ACTR10: variants seen among roughly 807,000 people sequenced by gnomAD.
ACTR10 encodes actin-related protein 10.
Under a neutral mutation model 56.2 loss-of-function variants are expected in ACTR10, and 43 were observed. The observed-to-expected ratio is 0.77, with a 90% CI of 0.60 to 0.99. The LOEUF is 0.99. ACTR10 is among the 50% of genes least tolerant of loss of function. The pLI is 0.00. For missense variants in ACTR10, 466 were observed against 507.8 expected (o/e 0.92, Z 0.79); for synonymous variants, 170 against 176.3 (o/e 0.96, Z 0.28).
intron 4 of ACTR10, among the ~76,000 whole-genome samples, chr14:58,210,134 A>T (rs2066154836): frequency 6.6e-6 from 1 of 151,840 alleles, no homozygotes; most frequent in Non-Finnish European, 1.5e-5. Context: ...TATCTTCTAT[A>T]TGACTAGAAT....
chr14:58,203,278 G>A (rs1888770825), intron 2 of ACTR10, among the ~76,000 whole-genome samples: 1 of 149,744 alleles, frequency 6.7e-6, no homozygotes, highest in African/African-American at 2.5e-5. Context: ...CTCCAGCCTG[G>A]GGGGCAAGAG....
chr14:58,228,681 C>CTTTTTT lies in ACTR10; in HGVS notation c.789-1685_789-1680dup, dbSNP rs35498207. Among the ~76,000 whole-genome samples the CTTTTTT allele has an allele frequency of 5.6e-4, 23 of 40,788 alleles. 9 individuals are homozygous for CTTTTTT. The highest frequency in any genetic ancestry group is 9.4e-4 in the Non-Finnish European group (19 of 20,282). 26.8% of individuals were successfully genotyped at this position (40,788 alleles called of 152,430 possible). ...TAACTACATCTAGTTGCAAGACAGA[C>CTTTTTT]TTTTTTTTTTTTTTTTTTTTTTTTT... On this transcript the variant is annotated intron_variant, in intron 10 of 12. Coordinates refer to ENST00000254286, the MANE Select transcript of ACTR10 (RefSeq NM_018477.3).
intron 8 of ACTR10, among the ~76,000 whole-genome samples, chr14:58,222,774 A>G (rs1159652820): frequency 6.6e-6 from 1 of 151,856 alleles, no homozygotes; most frequent in Non-Finnish European, 1.5e-5. Context: ...GAAAAAAAAA[A>G]AAAAAAAAAA....
intron 2 of ACTR10, among the ~76,000 whole-genome samples, chr14:58,205,224 AAAAAAC>A (rs1349786438): frequency 5.3e-5 from 8 of 152,184 alleles, no homozygotes; most frequent in South Asian, 2.1e-4. Flanking sequence ...TCCATCTCAA[AAAAAAC>A]AAAAACAAAA....
At chr14:58,202,688 G>GT (rs1427929040) in intron 1 of ACTR10, among the ~76,000 whole-genome samples, 167 bp from the exon 2 acceptor site, 18 of 151,904 alleles carry the variant, frequency 1.2e-4, no homozygotes, top group Admixed American at 1.2e-3. Context: ...TTAATAAATA[G>GT]TATTATTAGT....
chr14:58,225,585 CTTAT>C (rs1889377051), intron 10 of ACTR10, among the ~76,000 whole-genome samples: 1 of 151,994 alleles, frequency 6.6e-6, no homozygotes, highest in African/African-American at 2.4e-5. Context: ...ATTTTAATCT[CTTAT>C]TTAAGTTATA....
In ACTR10 at chr14:58,223,674, A is replaced by G. The variant is rs777571418; in HGVS notation, c.687A>G (p.Ala229=). 2.5e-6 allele frequency: 4 copies of G among 1,613,610 alleles called. No homozygotes were observed. In the South Asian group the frequency reaches 4.4e-5, roughly 18 times the overall value. The change falls in exon 9 of 13, where the codon GCA becomes GCG. Residue 229 remains alanine (A), a synonymous_variant. Coordinates refer to ENST00000254286, the MANE Select transcript of ACTR10 (RefSeq NM_018477.3). ...DLKRGLKIQA[A]KFNIDGNNER... ...AGCGAGGACTAAAAATCCAAGCAGCAAAATTTAATATTGATGGGAATAATG... is the reference window on the plus strand; with the variant it reads ...AGCGAGGACTAAAAATCCAAGCAGCGAAATTTAATATTGATGGGAATAATG...
chr14:58,230,415 A>G lies in ACTR10; in HGVS notation c.805A>G (p.Ile269Val), dbSNP rs185274446. The G allele has an allele frequency of 6.3e-7, 1 of 1,584,242 alleles. No individual in the cohort carries two copies. The highest frequency in any genetic ancestry group is 2.3e-5 in the East Asian group (1 of 43,378). Residue 269 changes from isoleucine to valine, a missense_variant, in exon 11 of 13, where the codon ATT (isoleucine) becomes GTT (valine). Transcript: ENST00000254286. ...TCCCATTAGAGATTCAGTTGTGGAA[A>G]TTCTTTTTGAACAAGATAATGAAGA... ...LGSIRDSVVE[I>V]LFEQDNEEQS...
In ACTR10 at chr14:58,209,823, T is replaced by C. The variant is rs369577029; in HGVS notation, c.342+716T>C. Among the ~76,000 whole-genome samples the C allele has an allele frequency of 2.6e-5, 4 of 152,332 alleles. No homozygotes were observed. The East Asian group carries it at 5.8e-4, about 22-fold the overall frequency. On this transcript the variant is annotated intron_variant, in intron 4 of 12. Coordinates refer to ENST00000254286, the MANE Select transcript of ACTR10 (RefSeq NM_018477.3). ...AGGGAAAATGTAAGATTATATGTAT[T>C]AAGTGAATAAGAAATTAAGCACATA...
At chr14:58,219,753 C>T (rs1889220264) in intron 8 of ACTR10, 24 bp downstream of exon 8, 1 of 1,483,514 alleles carries the variant, frequency 6.7e-7, no homozygotes, top group Non-Finnish European at 9.0e-7. Flanking sequence ...TCATTTTTGT[C>T]CCTTTCATCC....
intron 12 of ACTR10, among the ~76,000 whole-genome samples, chr14:58,233,752 A>G (rs1450371287): frequency 6.6e-6 from 1 of 152,258 alleles, no homozygotes; most frequent in Non-Finnish European, 1.5e-5. Flanking sequence ...TATGTGTTTT[A>G]TGATGCAGTT....
At chr14:58,200,664 T>A (rs758122413) in intron 1 of ACTR10, among the ~76,000 whole-genome samples, 2 of 152,212 alleles carry the variant, frequency 1.3e-5, no homozygotes, top group Non-Finnish European at 2.9e-5. Context: ...ATGTAAATGC[T>A]CGATGACGAA....
At chr14:58,215,767 A>G (rs543911777) in intron 7 of ACTR10, among the ~76,000 whole-genome samples, 41 of 152,034 alleles carry the variant, frequency 2.7e-4, no homozygotes, top group Non-Finnish European at 5.3e-4. Flanking sequence ...CTTGATATTC[A>G]TATTTCCAAC....
At chr14:58,211,112 A>G in intron 4 of ACTR10, 180 bp from the exon 5 acceptor site, 1 of 492,080 alleles carries the variant, frequency 2.0e-6, no homozygotes, top group Non-Finnish European at 3.6e-6. Flanking sequence ...TATTGAGTGA[A>G]TTTATATAAA....
At chr14:58,201,752 T>A (rs1015831847) in intron 1 of ACTR10, among the ~76,000 whole-genome samples, 4 of 152,206 alleles carry the variant, frequency 2.6e-5, no homozygotes, top group Admixed American at 6.5e-5. Context: ...AATACTGTAA[T>A]TCCAGCAGTT....
chr14:58,200,248 G>A lies in ACTR10; in HGVS notation c.31G>A (p.Gly11Arg). 1.3e-6 allele frequency: 2 copies of A among 1,520,296 alleles called. No homozygotes were observed. Among genetic ancestry groups the A allele is most frequent in the Non-Finnish European group, 8.8e-7 (1 of 1,137,078 alleles). 94.2% of individuals were successfully genotyped at this position (1,520,296 alleles called of 1,614,324 possible). ...GCTCTACGAGGGCCTGGGGAGCGGC[G>A]GGGAGAAGACGGCGGTCGTGATCGA... MPLYEGLGSG[G>R]EKTAVVIDLG... is the part of the protein sequence containing the mutation. The change falls in exon 1 of 13, where the codon GGG becomes AGG. Residue 11 changes from glycine to arginine, a missense_variant. Physicochemically the swap from Gly to Arg is moderately radical, Grantham distance 125. Coordinates refer to ENST00000254286, the MANE Select transcript of ACTR10 (RefSeq NM_018477.3).
At position 58,202,417 on chromosome 14, in the gene ACTR10, T is replaced by C. The variant is rs561555170; in HGVS notation, c.78-438T>C. Among the ~76,000 whole-genome samples the C allele has an allele frequency of 2.0e-4, 27 of 132,692 alleles. No individual in the cohort carries two copies. In the East Asian group the frequency reaches 5.7e-3, roughly 28 times the overall value. 87.1% of individuals were successfully genotyped at this position (132,692 alleles called of 152,430 possible). On this transcript the variant is annotated intron_variant, in intron 1 of 12. Transcript: ENST00000254286. The stretch of plus-strand genomic sequence containing the variant: ...TAACACGGTGAAACCTCGTCTCTAC[T>C]AAAAAAAAAAAAAAAAATTAGCCCT...
intron 7 of ACTR10, 44 bp downstream of exon 7, chr14:58,215,328 T>C: frequency 7.9e-7 from 1 of 1,266,310 alleles, no homozygotes; most frequent in Non-Finnish European, 1.1e-6. Context: ...ACACTCTCTT[T>C]TTGTTCTTCA....
intron 7 of ACTR10, 60 bp downstream of exon 7, chr14:58,215,344 TATTTTA>T (rs1277792847): frequency 5.5e-6 from 6 of 1,096,936 alleles, no homozygotes; most frequent in Non-Finnish European, 8.1e-6. Context: ...CTTCAACTTG[TATTTTA>T]GTCTTTGCTC....
Sources: allele counts gnomAD v4.1 joint callset (sites outside exome capture counted in the v4.1 genomes callset), GRCh38; gene constraint gnomAD v4.1.1; transcripts MANE v1.5; gene names NCBI Gene and HGNC (gene_info 2026-07-23, HGNC 2026-07-21).